C8orf74: variants seen among roughly 807,000 people sequenced by gnomAD.
The protein encoded by C8orf74 is chromosome 8 open reading frame 74.
C8orf74 carries 29 observed loss-of-function variants against 22.2 expected under a neutral mutation model. That is an observed-to-expected ratio of 1.31 (90% CI 0.97 to 1.78). The LOEUF (loss-of-function observed/expected upper bound fraction) is 1.78. Among genes scored for constraint, C8orf74 ranks in the 40% most tolerant of loss-of-function variants. The probability of loss-of-function intolerance (pLI) is 0.00; values close to 1 mark genes in which losing one functional copy is unlikely to be tolerated. For missense variants in C8orf74, 515 were observed against 369.9 expected, an observed-to-expected ratio of 1.39 and a Z score of -3.22; for synonymous variants, 255 against 163.1, an observed-to-expected ratio of 1.56 and a Z score of -4.30.
intron 3 of C8orf74, among the ~76,000 whole-genome samples, chr8:10,699,535 G>C (rs369055389): frequency 6.6e-6 from 1 of 152,208 alleles, no homozygotes; most frequent in Admixed American, 6.5e-5. Context: ...TGGTTGCTCG[G>C]GCAAGGAACC....
chr8:10,699,932 C>T (rs1044529772), intron 3 of C8orf74, among the ~76,000 whole-genome samples: 41 of 152,176 alleles, frequency 2.7e-4, no homozygotes, highest in African/African-American at 8.9e-4. Context: ...TATTGGAATC[C>T]AAAAAGAGAG....
chr8:10,690,980 G>T (rs1006382960), intron 2 of C8orf74: 1 of 453,902 alleles, frequency 2.2e-6, no homozygotes, highest in Non-Finnish European at 4.4e-6. Context: ...AGATCTGTCC[G>T]CCCGGCAGCC....
At chr8:10,688,393 G>A (rs1799305844) in intron 2 of C8orf74, 1 of 152,206 alleles carries the variant, frequency 6.6e-6, no homozygotes, top group African/African-American at 2.4e-5. Context: ...ACTTCTGCAA[G>A]TGATGAAGTT....
intron 2 of C8orf74, among the ~76,000 whole-genome samples, chr8:10,676,525 T>C (rs1178069859): frequency 1.3e-5 from 2 of 152,206 alleles, no homozygotes; most frequent in African/African-American, 4.8e-5. Context: ...TTTGAAGGCA[T>C]CCAGTGCTCC....
chr8:10,699,085 C>T (rs1167961380), intron 3 of C8orf74, among the ~76,000 whole-genome samples: 2 of 152,336 alleles, frequency 1.3e-5, no homozygotes, highest in Non-Finnish European at 2.9e-5. Flanking sequence ...AAAACCCACG[C>T]AACAGTCTAT....
intron 2 of C8orf74, among the ~76,000 whole-genome samples, chr8:10,693,484 G>C (rs1799426933): frequency 6.6e-6 from 1 of 152,214 alleles, no homozygotes; most frequent in South Asian, 2.1e-4. Flanking sequence ...ATAAGTATTT[G>C]CTGACCTAAT....
At chr8:10,676,897 C>T (rs561605865) in intron 2 of C8orf74, among the ~76,000 whole-genome samples, 3 of 152,286 alleles carry the variant, frequency 2.0e-5, no homozygotes, top group South Asian at 2.1e-4. Flanking sequence ...AGGTGGGAAG[C>T]GAACTCTTTC....
At chr8:10,686,121 T>C (rs775353925) in intron 2 of C8orf74, among the ~76,000 whole-genome samples, 1 of 152,186 alleles carries the variant, frequency 6.6e-6, no homozygotes, top group Non-Finnish European at 1.5e-5. Flanking sequence ...GTTATGTATA[T>C]TACAACAATT....
intron 2 of C8orf74, among the ~76,000 whole-genome samples, chr8:10,683,730 A>T (rs900192822): frequency 6.6e-6 from 1 of 152,126 alleles, no homozygotes; most frequent in Non-Finnish European, 1.5e-5. Flanking sequence ...AGGTCACTGG[A>T]TCCAACCCCC....
chr8:10,674,822 G>T lies in C8orf74; in HGVS notation c.225G>T (p.Leu75=), dbSNP rs772077533. ...VAQVVKFTEE[L]LRETKGCSIT... ...AGGTGGTCAAGTTCACAGAAGAGCT[G>T]CTAAGGGAAACCAAAGGTATGGTGT... is the stretch of plus-strand genomic sequence containing the variant. Residue 75 remains leucine (L), a synonymous_variant, in exon 2 of 4, where the codon CTG becomes CTT. Transcript: ENST00000304519. 2 of 1,601,818 alleles carry T rather than the reference G, an allele frequency of 1.2e-6. No individual in the cohort carries two copies. Among genetic ancestry groups the T allele is most frequent in the Non-Finnish European group, 1.7e-6 (2 of 1,174,304 alleles).
intron 2 of C8orf74, among the ~76,000 whole-genome samples, chr8:10,695,828 G>T (rs996760802): frequency 6.6e-6 from 1 of 152,154 alleles, no homozygotes; most frequent in Non-Finnish European, 1.5e-5. Context: ...CCTACTTCGG[G>T]GAAAAGCCCG....
chr8:10,675,547 C>T (rs1180781098), intron 2 of C8orf74: 1 of 152,188 alleles, frequency 6.6e-6, no homozygotes, highest in Non-Finnish European at 1.5e-5. Context: ...TTTCTAAGAA[C>T]CTCTCCCACA....
chr8:10,696,441 CTTT>C (rs546082377), intron 2 of C8orf74, among the ~76,000 whole-genome samples: 4,804 of 101,382 alleles, frequency 0.047, 201 homozygotes, highest in African/African-American at 0.19. Flanking sequence ...CTTTTCTTTT[CTTT>C]TTTTTTTTTT....
At chr8:10,678,039 T>C (rs893365609) in intron 2 of C8orf74, among the ~76,000 whole-genome samples, 1 of 152,194 alleles carries the variant, frequency 6.6e-6, no homozygotes, top group Non-Finnish European at 1.5e-5. Flanking sequence ...CTCCTCTCAC[T>C]TTCGTATCAT....
intron 2 of C8orf74, among the ~76,000 whole-genome samples, chr8:10,685,006 C>T (rs1053088097): frequency 1.4e-4 from 22 of 152,220 alleles, no homozygotes; most frequent in African/African-American, 4.1e-4. Flanking sequence ...GTGATCCACT[C>T]CCCACAGGGG....
At chr8:10,679,136 T>A (rs930426853) in intron 2 of C8orf74, among the ~76,000 whole-genome samples, 2 of 152,164 alleles carry the variant, frequency 1.3e-5, no homozygotes, top group African/African-American at 4.8e-5. Context: ...GTGCTTCAGG[T>A]CACTCGTCTG....
intron 2 of C8orf74, chr8:10,686,432 G>T (rs1244946761): frequency 6.6e-6 from 1 of 152,210 alleles, no homozygotes; most frequent in Non-Finnish European, 1.5e-5. Flanking sequence ...CACTAATGTA[G>T]TCATAGTATT....
intron 2 of C8orf74, among the ~76,000 whole-genome samples, chr8:10,690,429 G>T (rs1448587565): frequency 6.6e-6 from 1 of 152,146 alleles, no homozygotes; most frequent in Non-Finnish European, 1.5e-5. Context: ...GCGTGCGGGG[G>T]ATGAAGGATG....
At chr8:10,693,974 C>G (rs559742061) in intron 2 of C8orf74, among the ~76,000 whole-genome samples, 2 of 152,340 alleles carry the variant, frequency 1.3e-5, no homozygotes, top group Admixed American at 1.3e-4. Flanking sequence ...TCACCTTGCT[C>G]CCACCCAGGC....
Sources: allele counts gnomAD v4.1 joint callset (sites outside exome capture counted in the v4.1 genomes callset), GRCh38; gene constraint gnomAD v4.1.1; transcripts MANE v1.5; gene names NCBI Gene and HGNC (gene_info 2026-07-23, HGNC 2026-07-21).